The following ZRANB3 variants were observed in gnomAD, a reference collection of about 807,000 sequenced individuals.
ZRANB3 encodes the protein zinc finger RANBP2-type containing 3.
Under a neutral mutation model 133.8 loss-of-function variants are expected in ZRANB3, and 125 were observed. The observed-to-expected ratio is 0.93, with a 90% CI of 0.81 to 1.08. The LOEUF (loss-of-function observed/expected upper bound fraction) is 1.08, where lower values mean the gene tolerates loss of function less well. Among genes scored for constraint, ZRANB3 ranks in the 50% least tolerant of loss-of-function variants. The probability of loss-of-function intolerance (pLI) is 0.00; values close to 1 mark genes in which losing one functional copy is unlikely to be tolerated. For missense variants in ZRANB3, 1,229 were observed against 1,275.5 expected (o/e 0.96, Z 0.56); for synonymous variants, 387 against 432.7 (o/e 0.89, Z 1.31).
intron 1 of ZRANB3, among the ~76,000 whole-genome samples, chr2:135,519,040 T>G (rs748590564): frequency 1.3e-5 from 2 of 152,178 alleles, no homozygotes; most frequent in African/African-American, 2.4e-5. Flanking sequence ...TTAATTCCAT[T>G]TATTATTTTA....
At chr2:135,385,119 A>G (rs2104918234) in intron 3 of ZRANB3, among the ~76,000 whole-genome samples, 1 of 151,956 alleles carries the variant, frequency 6.6e-6, no homozygotes, top group Admixed American at 6.6e-5. Flanking sequence ...CAAAATCTCA[A>G]GCTGATAAGC....
rs1234506990 is a variant in ZRANB3 at position 135,215,372 on chromosome 2, C to T, written c.2495+2093G>A. On this transcript the variant is annotated intron_variant, in intron 17 of 20. Transcript: ENST00000264159. ...CCAGGGGCTCAGGTGATCCTCCCAC[C>T]TCAGTCTCCAAAGTAGCTGGGACTA... is the stretch of plus-strand genomic sequence containing the variant. Among the ~76,000 whole-genome samples, 11 of 152,206 alleles carry T rather than the reference C, an allele frequency of 7.2e-5. No homozygotes were observed. In the South Asian group the frequency reaches 1.5e-3, roughly 20 times the overall value.
chr2:135,481,332 T>C (rs1412159083), intron 2 of ZRANB3, among the ~76,000 whole-genome samples: 14 of 151,752 alleles, frequency 9.2e-5, no homozygotes, highest in African/African-American at 2.9e-4. Context: ...TGGTATCTCA[T>C]TGTGGTTTTG....
At chr2:135,450,041 C>T (rs778666486) in intron 2 of ZRANB3, among the ~76,000 whole-genome samples, 1 of 152,142 alleles carries the variant, frequency 6.6e-6, no homozygotes, top group Non-Finnish European at 1.5e-5. Flanking sequence ...GGCACCTGGT[C>T]CACATTTTGT....
In ZRANB3 at chr2:135,313,536, C is replaced by A. The variant is rs376672230; in HGVS notation, c.919G>T (p.Val307Phe). The change falls in exon 8 of 21, where the codon GTC (valine) becomes TTC (phenylalanine). Residue 307 changes from valine to phenylalanine, a missense_variant. Coordinates refer to ENST00000264159, the MANE Select transcript of ZRANB3 (RefSeq NM_032143.4). ...RTPNSGAMET[V>F]MGLITRMFKQ... ...AACATGCGAGTTATCAACCCCATGACTGTCTCCATGGCACCTGAATTTGGA... is the reference window on the plus strand; with the variant it reads ...AACATGCGAGTTATCAACCCCATGAATGTCTCCATGGCACCTGAATTTGGA... 1 of 1,613,734 alleles carries A rather than the reference C, an allele frequency of 6.2e-7. No individual in the cohort carries two copies. The highest frequency in any genetic ancestry group is 1.3e-5 in the African/African-American group (1 of 74,944).
chr2:135,420,724 G>A (rs529603284), intron 2 of ZRANB3, among the ~76,000 whole-genome samples: 20 of 151,880 alleles, frequency 1.3e-4, no homozygotes, highest in African/African-American at 4.3e-4. Context: ...TTAAATTCTC[G>A]GAATAATCAA....
At chr2:135,261,360 T>C (rs992020638) in intron 12 of ZRANB3, among the ~76,000 whole-genome samples, 8 of 152,132 alleles carry the variant, frequency 5.3e-5, no homozygotes, top group African/African-American at 1.9e-4. Flanking sequence ...TGGGAGGGTA[T>C]AGACAGAGTG....
intron 2 of ZRANB3, among the ~76,000 whole-genome samples, chr2:135,408,266 C>T (rs574056711): frequency 1.1e-4 from 17 of 152,192 alleles, no homozygotes; most frequent in Non-Finnish European, 2.2e-4. Flanking sequence ...AGATCAAAAC[C>T]ACAATGAGAT....
Position 135,255,863 on chromosome 2 carries a change from C to T in ZRANB3, c.1539+9671G>A, listed in dbSNP as rs368710164. On this transcript the variant is annotated intron_variant, in intron 12 of 20. Transcript: ENST00000264159. ...GTCTCTTAAAAACAAAAACAACCCT[C>T]CTCAAACAAAAAAAACCCAATCAGA... Among the ~76,000 whole-genome samples the T allele has an allele frequency of 4.8e-4, 73 of 151,506 alleles. 2 individuals are homozygous for T. The South Asian group carries it at 0.015, about 31-fold the overall frequency.
intron 12 of ZRANB3, among the ~76,000 whole-genome samples, chr2:135,245,634 A>G (rs13033358): frequency 1 from 151,781 of 151,782 alleles, 75,890 homozygotes; most frequent in Middle Eastern, 1. Flanking sequence ...TGTATTTTTA[A>G]TAGAGACAGG....
chr2:135,353,900 AG>A (rs1233647699), intron 3 of ZRANB3, among the ~76,000 whole-genome samples: 1 of 152,058 alleles, frequency 6.6e-6, no homozygotes, highest in African/African-American at 2.4e-5. Flanking sequence ...AGCTACTTGG[AG>A]GCTGAAGTGG....
chr2:135,203,442 A>AC (rs1256735963), intron 19 of ZRANB3, among the ~76,000 whole-genome samples: 1 of 151,892 alleles, frequency 6.6e-6, no homozygotes, highest in African/African-American at 2.4e-5. Context: ...ACACGGTGAA[A>AC]CCCCGTCTCT....
intron 2 of ZRANB3, among the ~76,000 whole-genome samples, chr2:135,475,174 C>T (rs548880792): frequency 6.9e-6 from 1 of 143,954 alleles, no homozygotes; most frequent in South Asian, 2.1e-4. Context: ...AGAAATGTAA[C>T]ACATTCTTCT....
chr2:135,404,265 T>C (rs560691718), intron 2 of ZRANB3, among the ~76,000 whole-genome samples: 3 of 152,324 alleles, frequency 2.0e-5, no homozygotes, highest in Non-Finnish European at 4.4e-5. Flanking sequence ...AAGGACCTGA[T>C]GGTGCTGAAA....
intron 19 of ZRANB3, among the ~76,000 whole-genome samples, chr2:135,207,194 T>TAAATAAATAAATAAA (rs1558828191): frequency 9.2e-5 from 13 of 141,032 alleles, no homozygotes; most frequent in African/African-American, 3.8e-4. Flanking sequence ...AAATAAATAA[T>TAAATAAATAAATAAA]AAATAAATAA....
chr2:135,276,115 G>C lies in ZRANB3; in HGVS notation c.967-360C>G, dbSNP rs188248909. Among the ~76,000 whole-genome samples the C allele has an allele frequency of 3.3e-4, 50 of 151,874 alleles. 1 individual carries two copies. Among genetic ancestry groups the C allele is most frequent in the South Asian group, 1.0e-3 (5 of 4,824 alleles). On this transcript the variant is annotated intron_variant, in intron 8 of 20. Coordinates refer to ENST00000264159, the MANE Select transcript of ZRANB3 (RefSeq NM_032143.4). ...CAAAAAAGTTTATATATAAGACCAA[G>C]TAGAACAGAGTTAAGGAGAAAACAG...
In ZRANB3 at chr2:135,230,789, C is replaced by A. The variant is rs776229670; in HGVS notation, c.1678G>T (p.Ala560Ser). The A allele has an allele frequency of 6.2e-7, 1 of 1,613,890 alleles. No individual in the cohort carries two copies. Among genetic ancestry groups the A allele is most frequent in the Non-Finnish European group, 8.5e-7 (1 of 1,179,868 alleles). Residue 560 changes from alanine (A) to serine (S), a missense_variant, in exon 13 of 21, where the codon GCT becomes TCT. Coordinates refer to ENST00000264159, the MANE Select transcript of ZRANB3 (RefSeq NM_032143.4). ...TVVSSDPTKT[A>S]ARDIIDYESD... ...TCATAATCGATGATATCTCTTGCAG[C>A]TGTTTTTGTAGGGTCTGATGACACT...
In ZRANB3 at chr2:135,230,839, T is replaced by C. The variant is rs757870814; in HGVS notation, c.1628A>G (p.Lys543Arg). The part of the protein sequence containing the change: ...RQLMTSCDES[K>R]RFREENTVVS... ...TACAGTATTTTCCTCCCGGAATCTC[T>C]TTGATTCGTCACAGGAGGTCATCAA... Residue 543 changes from lysine to arginine, a missense_variant, in exon 13 of 21, where the codon AAG becomes AGG. Transcript: ENST00000264159. 2 of 1,613,214 alleles carry C rather than the reference T, an allele frequency of 1.2e-6. No homozygotes were observed. The highest frequency in any genetic ancestry group is 2.2e-5 in the South Asian group (2 of 90,838).
At chr2:135,217,330 G>T in intron 17 of ZRANB3, 135 bp downstream of exon 17, 2 of 822,054 alleles carry the variant, frequency 2.4e-6, no homozygotes, top group Non-Finnish European at 3.6e-6. Flanking sequence ...AAACAATATG[G>T]CTGTGATTTT....
Sources: allele counts gnomAD v4.1 joint callset (sites outside exome capture counted in the v4.1 genomes callset), GRCh38; gene constraint gnomAD v4.1.1; transcripts MANE v1.5; gene names NCBI Gene and HGNC (gene_info 2026-07-23, HGNC 2026-07-21).